MRRF: variants seen among roughly 807,000 people sequenced by gnomAD.
MRRF encodes the protein mitochondrial ribosome recycling factor.
A neutral mutation model predicts 25.1 loss-of-function variants in MRRF; 18 were observed. That is an observed-to-expected ratio of 0.72 (90% CI 0.50 to 1.06). MRRF has a LOEUF of 1.06. Among genes scored for constraint, MRRF ranks in the 50% least tolerant of loss-of-function variants. The pLI is 0.00. For missense variants in MRRF, 323 were observed against 319.3 expected (o/e 1.01, Z -0.09); for synonymous variants, 113 against 112.1 (o/e 1.01, Z -0.05).
intron 5 of MRRF, among the ~76,000 whole-genome samples, chr9:122,312,222 G>C (rs1006017149): frequency 6.6e-6 from 1 of 152,188 alleles, no homozygotes; most frequent in Admixed American, 6.5e-5. Flanking sequence ...TAACATCTGT[G>C]AGCCTGTTTC....
chr9:122,265,825 C>T (rs1220448459), intron 1 of MRRF: 8 of 1,113,810 alleles, frequency 7.2e-6, no homozygotes. Flanking sequence ...AGGCAAAAGC[C>T]CTTTCTCTAC....
chr9:122,276,051 G>C (rs1312123895), intron 2 of MRRF, among the ~76,000 whole-genome samples: 1 of 151,840 alleles, frequency 6.6e-6, no homozygotes, highest in Non-Finnish European at 1.5e-5. Flanking sequence ...GGGACTATAG[G>C]CACTTGCCAC....
chr9:122,305,900 A>G (rs546428100), intron 5 of MRRF, among the ~76,000 whole-genome samples: 9 of 152,310 alleles, frequency 5.9e-5, no homozygotes, highest in African/African-American at 2.2e-4. Context: ...TAATGTAATC[A>G]TTGTTTCTGG....
chr9:122,328,026 G>A lies in MRRF; in HGVS notation c.*5409G>A, dbSNP rs1281424552. ...GCTCTGTCACTCAGGCTGGATTTCA[G>A]TGGCATGATCTCAGCTCACTGTAGC... On this transcript the variant is annotated 3_prime_UTR_variant, in exon 7 of 7. Coordinates refer to ENST00000344641, the MANE Select transcript of MRRF (RefSeq NM_138777.5). 1 of 151,734 alleles carries A rather than the reference G, an allele frequency of 6.6e-6. No individual in the cohort carries two copies. Among genetic ancestry groups the A allele is most frequent in the Non-Finnish European group, 1.5e-5 (1 of 67,986 alleles). The allele number at this position is 151,734 out of a possible 1,614,324, so 9.4% of individuals were successfully genotyped here.
At chr9:122,322,342 G>A (rs1835939854) in intron 6 of MRRF, among the ~76,000 whole-genome samples, 198 bp from the exon 7 acceptor site, 1 of 151,336 alleles carries the variant, frequency 6.6e-6, no homozygotes, top group African/African-American at 2.4e-5. Context: ...CAGCCTGGGC[G>A]ACAGAGCGAG....
chr9:122,321,677 A>G (rs1321602456), intron 6 of MRRF, among the ~76,000 whole-genome samples: 1 of 151,850 alleles, frequency 6.6e-6, no homozygotes, highest in Non-Finnish European at 1.5e-5. Context: ...ATTGTATCTT[A>G]TTTTAATTTG....
intron 3 of MRRF, among the ~76,000 whole-genome samples, chr9:122,284,704 A>G (rs1833276781): frequency 6.6e-6 from 1 of 152,222 alleles, no homozygotes; most frequent in Non-Finnish European, 1.5e-5. Flanking sequence ...AAGCTTTTCT[A>G]TCACGATACT....
rs756314177 is a variant in MRRF at position 122,270,990 on chromosome 9, A to G, written c.99A>G (p.Thr33=). The G allele has an allele frequency of 6.2e-7, 1 of 1,614,214 alleles. No homozygotes were observed. Among genetic ancestry groups the G allele is most frequent in the African/African-American group, 1.3e-5 (1 of 75,070 alleles). The stretch of plus-strand genomic sequence containing the variant: ...CCGTTTCAGAAGTTACACTGAAGAC[A>G]GTGCATGAAAGACAACATGGCCATA... ...IRPVSEVTLK[T]VHERQHGHRQ... is the part of the protein sequence containing the mutation. Residue 33 remains threonine, a synonymous_variant, in exon 2 of 7, where the codon ACA becomes ACG. Transcript: ENST00000344641.
intron 2 of MRRF, among the ~76,000 whole-genome samples, chr9:122,272,345 A>G (rs1404897714): frequency 6.6e-6 from 1 of 152,144 alleles, no homozygotes; most frequent in Non-Finnish European, 1.5e-5. Context: ...TGGGCTATTC[A>G]GTTTTGTCTT....
intron 4 of MRRF, among the ~76,000 whole-genome samples, chr9:122,287,057 T>TA (rs1434550776): frequency 6.6e-6 from 1 of 152,220 alleles, no homozygotes; most frequent in African/African-American, 2.4e-5. Context: ...AATTGCTACT[T>TA]ATATTTTGGA....
chr9:122,266,136 C>T (rs1259724952), intron 1 of MRRF, among the ~76,000 whole-genome samples: 1 of 152,188 alleles, frequency 6.6e-6, no homozygotes, highest in African/African-American at 2.4e-5. Context: ...TGTGTTCTGG[C>T]AATGTACCAG....
At chr9:122,299,972 G>A (rs1834345193) in intron 5 of MRRF, among the ~76,000 whole-genome samples, 1 of 152,168 alleles carries the variant, frequency 6.6e-6, no homozygotes, top group African/African-American at 2.4e-5. Flanking sequence ...GCAGATGCCA[G>A]GATGGAATTA....
Position 122,329,565 on chromosome 9 carries a change from C to T in MRRF, c.*6948C>T, listed in dbSNP as rs994812407. ...CTGCGTTTCCTCTCTCAGGAAAAGC[C>T]TCACCATCCACCCAGGTGCCAAGCC... On this transcript the variant is annotated 3_prime_UTR_variant, in exon 7 of 7. Transcript: ENST00000344641. 7 of 152,390 alleles carry T rather than the reference C, an allele frequency of 4.6e-5. No homozygotes were observed. The highest frequency in any genetic ancestry group is 2.1e-4 in the South Asian group (1 of 4,830). 9.4% of individuals were successfully genotyped at this position (152,390 alleles called of 1,614,324 possible).
intron 5 of MRRF, among the ~76,000 whole-genome samples, chr9:122,305,419 A>G (rs906527406): frequency 3.0e-4 from 45 of 152,056 alleles, no homozygotes; most frequent in Admixed American, 1.4e-3. Flanking sequence ...TCAAAAAAAA[A>G]AAAAAAAAAA....
chr9:122,292,089 T>A lies in MRRF; in HGVS notation c.551+249T>A, dbSNP rs76371293. ...GTCCTTACATAGTTTACATTCTGGT[T>A]GGGAAGGTAGGACAAATAAATAAAG... On this transcript the variant is annotated intron_variant, in intron 5 of 6. Coordinates refer to ENST00000344641, the MANE Select transcript of MRRF (RefSeq NM_138777.5). Among the ~76,000 whole-genome samples, 23 of 152,296 alleles carry A rather than the reference T, an allele frequency of 1.5e-4. No individual in the cohort carries two copies. The East Asian group carries it at 4.4e-3, about 29-fold the overall frequency.
chr9:122,268,418 A>G (rs1832251966), intron 1 of MRRF, among the ~76,000 whole-genome samples: 1 of 152,132 alleles, frequency 6.6e-6, no homozygotes, highest in Non-Finnish European at 1.5e-5. Flanking sequence ...AATAAAATCT[A>G]CTCATTATTC....
Position 122,328,835 on chromosome 9 carries a change from C to T in MRRF, c.*6218C>T, listed in dbSNP as rs894208229. The T allele has an allele frequency of 9.2e-5, 14 of 151,826 alleles. No homozygotes were observed. Among genetic ancestry groups the T allele is most frequent in the African/African-American group, 3.4e-4 (14 of 41,304 alleles). 9.4% of individuals were successfully genotyped at this position (151,826 alleles called of 1,614,324 possible). A position where few individuals can be genotyped will look rare whatever the true frequency, so the allele number is the denominator to read the frequency against. ...AATAAGTGATTATCTCTGTCTGCCT[C>T]TTTGTCTCTCTCTCTCTCTCTTTTT... On this transcript the variant is annotated 3_prime_UTR_variant, in exon 7 of 7. Transcript: ENST00000344641.
intron 5 of MRRF, among the ~76,000 whole-genome samples, chr9:122,311,834 C>G (rs927212570): frequency 1.3e-5 from 2 of 152,190 alleles, no homozygotes; most frequent in African/African-American, 4.8e-5. Context: ...TTCTGCCCCT[C>G]TTAGTATTTC....
At chr9:122,311,264 T>C (rs1835189034) in intron 5 of MRRF, among the ~76,000 whole-genome samples, 2 of 152,150 alleles carry the variant, frequency 1.3e-5, no homozygotes, top group African/African-American at 2.4e-5. Flanking sequence ...ACCTTTCAGC[T>C]CAGTACCCTG....
Sources: gnomAD v4.1 joint callset for allele counts (sites outside exome capture counted in the v4.1 genomes callset) on GRCh38, gnomAD v4.1.1 for gene constraint, MANE v1.5 for transcripts, NCBI Gene and HGNC (gene_info 2026-07-23, HGNC 2026-07-21) for gene names.